Variants in KCNB2 observed in about 807,000 individuals in gnomAD.
KCNB2 encodes potassium voltage-gated channel subfamily B member 2.
Under a neutral mutation model 61.5 loss-of-function variants are expected in KCNB2, and 15 were observed. That is an observed-to-expected ratio of 0.24 (90% CI 0.16 to 0.38). The LOEUF (loss-of-function observed/expected upper bound fraction) is 0.38, where lower values mean the gene tolerates loss of function less well. KCNB2 is among the 10% of genes least tolerant of loss of function. The pLI is 1.00. For synonymous variants in KCNB2, 457 were observed against 446.0 expected (o/e 1.02, Z -0.31); for missense variants, 828 against 1,125.2 (o/e 0.74, Z 3.78).
At chr8:72,740,046 G>A (rs1807923226) in intron 2 of KCNB2, among the ~76,000 whole-genome samples, 2 of 152,118 alleles carry the variant, frequency 1.3e-5, no homozygotes, top group Non-Finnish European at 1.5e-5. Flanking sequence ...ATACTCTTCT[G>A]AGAGTTTCAG....
At chr8:72,596,769 G>T (rs1563533896) in intron 2 of KCNB2, among the ~76,000 whole-genome samples, 1 of 152,030 alleles carries the variant, frequency 6.6e-6, no homozygotes, top group Non-Finnish European at 1.5e-5. Context: ...TCTGTGATGG[G>T]CTAAAAAATC....
At chr8:72,928,665 A>G (rs547729194) in intron 2 of KCNB2, among the ~76,000 whole-genome samples, 1 of 140,666 alleles carries the variant, frequency 7.1e-6, no homozygotes, top group Non-Finnish European at 1.5e-5. Flanking sequence ...TTTCAATTAC[A>G]TGGAACACAC....
chr8:72,646,235 T>C (rs1337126119), intron 2 of KCNB2, among the ~76,000 whole-genome samples: 1 of 152,102 alleles, frequency 6.6e-6, no homozygotes, highest in African/African-American at 2.4e-5. Flanking sequence ...TATTTATTAA[T>C]GCTGTTTGAA....
intron 2 of KCNB2, among the ~76,000 whole-genome samples, chr8:72,854,594 T>C (rs78378476): frequency 0.023 from 3,506 of 152,112 alleles, 151 homozygotes; most frequent in African/African-American, 0.081. Context: ...GTGTAGATAA[T>C]GAGACTGACT....
Position 72,825,637 on chromosome 8 carries a change from T to C in KCNB2, c.580-110298T>C, listed in dbSNP as rs79945035. Reference sequence around the variant, plus strand: ...ACTGTGGTTTTGATTTGCATTTCCCTGATGGCTAATGATGGCAAGCATCTT... The same window carrying C: ...ACTGTGGTTTTGATTTGCATTTCCCCGATGGCTAATGATGGCAAGCATCTT... On this transcript the variant is annotated intron_variant, in intron 2 of 2. Transcript: ENST00000523207. Among the ~76,000 whole-genome samples, 266 of 152,346 alleles carry C rather than the reference T, an allele frequency of 1.7e-3. 2 individuals are homozygous for C. The highest frequency in any genetic ancestry group is 6.2e-3 in the African/African-American group (258 of 41,588).
intron 2 of KCNB2, among the ~76,000 whole-genome samples, chr8:72,775,996 C>T (rs1035923600): frequency 1.3e-5 from 2 of 152,100 alleles, no homozygotes; most frequent in Non-Finnish European, 2.9e-5. Flanking sequence ...GACTTGGAAC[C>T]AACCTAAATG....
At chr8:72,874,646 A>G (rs1283989278) in intron 2 of KCNB2, among the ~76,000 whole-genome samples, 2 of 152,216 alleles carry the variant, frequency 1.3e-5, no homozygotes, top group African/African-American at 4.8e-5. Context: ...AAATGTTTAC[A>G]TTGCAGCCGA....
At chr8:72,541,339 C>A (rs1172613942) in intron 1 of KCNB2, among the ~76,000 whole-genome samples, 1 of 152,020 alleles carries the variant, frequency 6.6e-6, no homozygotes, top group East Asian at 1.9e-4. Flanking sequence ...ATATTATTTT[C>A]ATTCTTACAA....
intron 2 of KCNB2, among the ~76,000 whole-genome samples, chr8:72,901,399 T>C (rs150389415): frequency 1.3e-5 from 2 of 152,194 alleles, no homozygotes; most frequent in African/African-American, 4.8e-5. Flanking sequence ...GTCAAAGAGC[T>C]ACACATTATT....
chr8:72,711,853 T>C (rs896341011), intron 2 of KCNB2, among the ~76,000 whole-genome samples: 12 of 152,174 alleles, frequency 7.9e-5, no homozygotes, highest in African/African-American at 2.9e-4. Context: ...TTAGCCAGGC[T>C]TGGTTGCAGG....
At chr8:72,563,660 G>A (rs1489685204) in intron 1 of KCNB2, among the ~76,000 whole-genome samples, 1 of 152,094 alleles carries the variant, frequency 6.6e-6, no homozygotes, top group Admixed American at 6.6e-5. Context: ...GAAACCCACA[G>A]AAGAAGAGAT....
intron 1 of KCNB2, among the ~76,000 whole-genome samples, chr8:72,567,434 T>C (rs1360364005): frequency 2.6e-5 from 4 of 152,110 alleles, no homozygotes; most frequent in Admixed American, 2.6e-4. Context: ...ACCTCTTCTG[T>C]GTAGTACACT....
At chr8:72,539,410 A>G (rs190142993) in intron 1 of KCNB2, among the ~76,000 whole-genome samples, 1 of 152,182 alleles carries the variant, frequency 6.6e-6, no homozygotes, top group Non-Finnish European at 1.5e-5. Context: ...AGTAAATACC[A>G]TAATCCCCTC....
rs190776082 is a variant in KCNB2, at chr8:72,804,126, A to G, written c.580-131809A>G. Among the ~76,000 whole-genome samples, 4 of 152,304 alleles carry G rather than the reference A, an allele frequency of 2.6e-5. No individual in the cohort carries two copies. The East Asian group carries it at 7.7e-4, about 29-fold the overall frequency. ...TCCCCAAGGCAGTGGGAAGCAATCA[A>G]AGGACTGTTAAACAAAAGGGCAGTT... On this transcript the variant is annotated intron_variant, in intron 2 of 2. Transcript: ENST00000523207.
At chr8:72,933,591 T>A (rs1806836017) in intron 2 of KCNB2, among the ~76,000 whole-genome samples, 1 of 152,180 alleles carries the variant, frequency 6.6e-6, no homozygotes, top group Non-Finnish European at 1.5e-5. Context: ...CGAAAAAATA[T>A]CTTGGTTCCT....
At chr8:72,600,298 A>C (rs1195702506) in intron 2 of KCNB2, among the ~76,000 whole-genome samples, 1 of 152,162 alleles carries the variant, frequency 6.6e-6, no homozygotes, top group African/African-American at 2.4e-5. Flanking sequence ...TTGTAGGGAC[A>C]TGGATGAAGC....
At chr8:72,563,771 T>G (rs1440434220) in intron 1 of KCNB2, among the ~76,000 whole-genome samples, 2 of 152,188 alleles carry the variant, frequency 1.3e-5, no homozygotes, top group African/African-American at 4.8e-5. Context: ...ATTATGGGCT[T>G]ATTCTGAAGG....
chr8:72,795,635 A>G (rs1039159158), intron 2 of KCNB2, among the ~76,000 whole-genome samples: 3 of 152,180 alleles, frequency 2.0e-5, no homozygotes, highest in South Asian at 2.1e-4. Context: ...CCAAAAACAA[A>G]CAAACAAAAA....
chr8:72,804,069 G>A (rs1809174969), intron 2 of KCNB2, among the ~76,000 whole-genome samples: 3 of 152,176 alleles, frequency 2.0e-5, no homozygotes, highest in Admixed American at 1.3e-4. Flanking sequence ...CTGCTTGTGA[G>A]GACTTGCAGG....
Sources: allele counts gnomAD v4.1 joint callset (sites outside exome capture counted in the v4.1 genomes callset), GRCh38; gene constraint gnomAD v4.1.1; transcripts MANE v1.5; gene names NCBI Gene and HGNC (gene_info 2026-07-23, HGNC 2026-07-21).